Variants in CFAP65 observed in about 807,000 individuals in gnomAD.
CFAP65 encodes the protein cilia- and flagella-associated protein 65.
CFAP65 carries 155 observed loss-of-function variants against 208.0 expected under a neutral mutation model. The observed-to-expected ratio is 0.75, with a 90% CI of 0.65 to 0.85. The LOEUF (loss-of-function observed/expected upper bound fraction) is 0.85. CFAP65 is among the 40% of genes least tolerant of loss of function. The probability of loss-of-function intolerance (pLI) is 0.00; values close to 1 mark genes in which losing one functional copy is unlikely to be tolerated. For synonymous variants in CFAP65, 970 were observed against 986.3 expected (o/e 0.98, Z 0.31); for missense variants, 2,294 against 2,451.3 (o/e 0.94, Z 1.36).
chr2:219,016,476 G>T (rs1946894675), intron 21 of CFAP65, among the ~76,000 whole-genome samples: 1 of 151,792 alleles, frequency 6.6e-6, no homozygotes, highest in Non-Finnish European at 1.5e-5. Context: ...TGTATTTTTA[G>T]TAGAGACAGA....
chr2:219,031,316 G>C lies in CFAP65; in HGVS notation c.816-11C>G. 1.2e-6 allele frequency: 2 copies of C among 1,613,100 alleles called. No homozygotes were observed. Among genetic ancestry groups the C allele is most frequent in the Non-Finnish European group, 1.7e-6 (2 of 1,179,268 alleles). On this transcript the variant is annotated splice_polypyrimidine_tract_variant and intron_variant, in intron 7 of 34. Transcript: ENST00000341552. The surrounding 1 kb of genome is among the most constrained non-coding windows in gnomAD (Gnocchi z 5.2). The stretch of plus-strand genomic sequence containing the variant: ...AAGGTGGGCAGGTCCCTGGGGGTGG[G>C]GGGCAGGTCAGGGCACTGGGCTCCC...
chr2:219,027,741 G>A lies in CFAP65; in HGVS notation c.2120C>T (p.Pro707Leu), dbSNP rs1344151882. The change falls in exon 13 of 35, where the codon CCA becomes CTA. Residue 707 changes from proline (P) to leucine (L), a missense_variant. This residue lies in a region of CFAP65 where 867 missense variants were observed against 1,012.6 expected (regional missense o/e 0.86). Coordinates refer to ENST00000341552, the MANE Select transcript of CFAP65 (RefSeq NM_194302.4). ...CAGGCGCATGGCCATGGACTTGAGT[G>A]GGGGCACGTCGCAGCTCTCTGGAGT... ...WVTPESCDVPPLKSMAMRLHF... is the reference protein window; with the variant it reads ...WVTPESCDVPLLKSMAMRLHF... The A allele has an allele frequency of 5.6e-6, 9 of 1,614,002 alleles. No homozygotes were observed. The highest frequency in any genetic ancestry group is 5.3e-5 in the African/African-American group (4 of 74,934).
chr2:219,030,875 G>A (rs1468788763), intron 8 of CFAP65, 41 bp from the exon 9 acceptor site: 1 of 1,595,290 alleles, frequency 6.3e-7, no homozygotes, highest in Non-Finnish European at 8.5e-7. Flanking sequence ...ACCCACCAGG[G>A]CCTCTGTGGC....
At position 219,030,755 on chromosome 2, in the gene CFAP65, CA is replaced by C. The variant is rs1353518694; in HGVS notation, c.1094del (p.Leu365CysfsTer24). ...AGCCCACAGCAACAGAGCCAAAGTA[CA>C]ACAGCTTCTGGAAGCCCTCGGCATC... ...DQDAEGFQKL[L>X]YFGSVAVGCT... is the part of the protein sequence containing the mutation. On this transcript the variant is annotated frameshift_variant, in exon 9 of 35. Coordinates refer to ENST00000341552, the MANE Select transcript of CFAP65 (RefSeq NM_194302.4). LOFTEE classifies it high-confidence loss of function. 1.2e-6 allele frequency: 2 copies of C among 1,614,084 alleles called. No individual in the cohort carries two copies. The highest frequency in any genetic ancestry group is 4.5e-5 in the East Asian group (2 of 44,898).
chr2:219,011,365 C>T (rs1946473008), intron 24 of CFAP65, among the ~76,000 whole-genome samples: 1 of 149,616 alleles, frequency 6.7e-6, no homozygotes, highest in South Asian at 2.1e-4. Context: ...GCCTTGACCT[C>T]CTGGGCTCAA....
chr2:219,009,622 G>A (rs1427641113), intron 27 of CFAP65, among the ~76,000 whole-genome samples, 162 bp from the exon 28 acceptor site: 1 of 116,790 alleles, frequency 8.6e-6, no homozygotes, highest in Non-Finnish European at 1.7e-5. Flanking sequence ...AAGATGGAAT[G>A]GGATGGGATG....
intron 9 of CFAP65, 122 bp downstream of exon 9, chr2:219,030,567 G>A: frequency 7.6e-7 from 1 of 1,324,348 alleles, no homozygotes; most frequent in Non-Finnish European, 1.0e-6. Flanking sequence ...GCTGACATGG[G>A]TTACATGAGG....
chr2:219,038,651 G>A (rs1196218589), intron 3 of CFAP65, 73 bp from the exon 4 acceptor site: 20 of 1,374,486 alleles, frequency 1.5e-5, no homozygotes, highest in Admixed American at 1.9e-5. Context: ...AGACTCTCAT[G>A]GCCATCCTTG....
intron 21 of CFAP65, among the ~76,000 whole-genome samples, chr2:219,017,280 A>C (rs1946956511): frequency 6.6e-6 from 1 of 152,204 alleles, no homozygotes; most frequent in Admixed American, 6.5e-5. Context: ...GCAAGACCCT[A>C]CGAAGGCCAG....
intron 29 of CFAP65, among the ~76,000 whole-genome samples, chr2:219,006,973 A>G (rs1474569178): frequency 2.0e-5 from 3 of 152,080 alleles, no homozygotes; most frequent in Non-Finnish European, 4.4e-5. Context: ...CCTGCAGACC[A>G]GGAAATTCTG....
chr2:219,029,824 TC>T, intron 10 of CFAP65, 156 bp from the exon 11 acceptor site: 1 of 1,144,772 alleles, frequency 8.7e-7, no homozygotes, highest in Non-Finnish European at 1.2e-6. Context: ...GACTGGGATC[TC>T]CAGGTAGTCA....
At position 219,031,278 on chromosome 2, in the gene CFAP65, C is replaced by G; in HGVS notation, c.843G>C (p.Glu281Asp). 1 of 1,613,896 alleles carries G rather than the reference C, an allele frequency of 6.2e-7. No individual in the cohort carries two copies. Among genetic ancestry groups the G allele is most frequent in the Non-Finnish European group, 8.5e-7 (1 of 1,179,882 alleles). The change falls in exon 8 of 35, where the codon GAG becomes GAC. Residue 281 changes from glutamate to aspartate, a missense_variant. Physicochemically the swap from Glu to Asp is conservative, Grantham distance 45. Transcript: ENST00000341552. The surrounding 1 kb of genome is among the most constrained non-coding windows in gnomAD (Gnocchi z 5.2). ...VGDLPTFFTW[E>D]FSSPFQMLPA... ...GCAGCATCTGGAATGGGCTGGAGAACTCCCAGGTGAAGAAGGTGGGCAGGT... is the reference window on the plus strand; with the variant it reads ...GCAGCATCTGGAATGGGCTGGAGAAGTCCCAGGTGAAGAAGGTGGGCAGGT...
chr2:219,016,926 C>T (rs1386277030), intron 21 of CFAP65, among the ~76,000 whole-genome samples: 2 of 152,256 alleles, frequency 1.3e-5, no homozygotes, highest in African/African-American at 2.4e-5. Context: ...GCTCCAGCCA[C>T]GCGGTGTACA....
Position 219,004,452 on chromosome 2 carries a change from G to T in CFAP65, c.5055C>A (p.Gly1685=), listed in dbSNP as rs556826450. ...LVDILTTIIR[G]LLEDKNFHEA... The stretch of plus-strand genomic sequence containing the variant: ...CATGGAAGTTCTTGTCTTCCAGCAG[G>T]CCCCTAGGTGGCAGGGAGAAGGAGA... Residue 1685 remains glycine (G), a synonymous_variant, in exon 33 of 35, where the codon GGC becomes GGA. Coordinates refer to ENST00000341552, the MANE Select transcript of CFAP65 (RefSeq NM_194302.4). The surrounding 1 kb of genome is among the most constrained non-coding windows in gnomAD (Gnocchi z 4.7). The T allele has an allele frequency of 8.7e-6, 14 of 1,603,314 alleles. No individual in the cohort carries two copies. The highest frequency in any genetic ancestry group is 4.5e-5 in the South Asian group (4 of 88,798).
At chr2:219,021,396 G>A (rs549139783) in intron 18 of CFAP65, 116 bp from the exon 19 acceptor site, 737 of 1,268,164 alleles carry the variant, frequency 5.8e-4, no homozygotes, top group Non-Finnish European at 7.2e-4. Context: ...CCTGAGGCAG[G>A]AAACAGGGAG....
At chr2:219,007,516 T>C (rs1392052863) in intron 29 of CFAP65, among the ~76,000 whole-genome samples, 1 of 152,074 alleles carries the variant, frequency 6.6e-6, no homozygotes, top group East Asian at 1.9e-4. Context: ...GGGCCACAGC[T>C]TCAGAGGGGA....
Position 219,028,356 on chromosome 2 carries a change from T to C in CFAP65, c.1696A>G (p.Thr566Ala). ...TGAGGCTTCAGGATGGCTGGCTTGG[T>C]GCTGTCCGAGTGGCAGGTCCCCATC... is the stretch of plus-strand genomic sequence containing the variant. ...DLMGTCHSDS[T>A]KPAILKPQHL... is the part of the protein sequence containing the mutation. Residue 566 changes from threonine (T) to alanine (A), a missense_variant, in exon 12 of 35, where the codon ACC becomes GCC. Physicochemically the swap from Thr to Ala is moderately conservative, Grantham distance 58. Coordinates refer to ENST00000341552, the MANE Select transcript of CFAP65 (RefSeq NM_194302.4). 1 of 1,613,234 alleles carries C rather than the reference T, an allele frequency of 6.2e-7. No homozygotes were observed. The highest frequency in any genetic ancestry group is 8.5e-7 in the Non-Finnish European group (1 of 1,179,860).
chr2:219,017,586 C>G (rs190644936), intron 21 of CFAP65, among the ~76,000 whole-genome samples: 18 of 152,400 alleles, frequency 1.2e-4, no homozygotes, highest in African/African-American at 4.1e-4. Flanking sequence ...GCACGGACTG[C>G]CTTCCTGCAC....
rs773825950 is a variant in CFAP65, at chr2:219,030,775, C to T, written c.1075G>A (p.Glu359Lys). ...KHKCPEDQDA[E>K]GFQKLLYFGS... ...AAGTACAACAGCTTCTGGAAGCCCT[C>T]GGCATCCTGGTCCTCCGGGCACTTG... is the stretch of plus-strand genomic sequence containing the variant. Residue 359 changes from glutamate to lysine, a missense_variant, in exon 9 of 35, where the codon GAG (glutamate) becomes AAG (lysine). By Grantham distance (56) the Glu-to-Lys change is moderately conservative. This residue lies in a region of CFAP65 where 867 missense variants were observed against 1,012.6 expected (regional missense o/e 0.86). Transcript: ENST00000341552. The T allele has an allele frequency of 3.3e-5, 54 of 1,614,048 alleles. No homozygotes were observed. The highest frequency in any genetic ancestry group is 3.3e-4 in the South Asian group (30 of 91,092).
Sources: gnomAD v4.1 joint callset for allele counts (sites outside exome capture counted in the v4.1 genomes callset) on GRCh38, gnomAD v4.1.1 for gene constraint, gnomAD v4.1.1 regional missense constraint, Gnocchi (gnomAD v3.1) non-coding constraint, MANE v1.5 for transcripts, NCBI Gene and HGNC (gene_info 2026-07-23, HGNC 2026-07-21) for gene names.